DOCK3: variants seen among roughly 807,000 people sequenced by gnomAD.
DOCK3 encodes the protein dedicator of cytokinesis 3, also known as dedicator of cytokinesis protein 3.
DOCK3 carries 60 observed loss-of-function variants against 265.6 expected under a neutral mutation model. The observed-to-expected ratio is 0.23, with a 90% CI of 0.18 to 0.28. The LOEUF is 0.28. Ranked by LOEUF, DOCK3 falls within the 10% of genes least tolerant of loss-of-function variation. The pLI, the probability that DOCK3 is intolerant of heterozygous loss-of-function variation, is 1.00. For missense variants in DOCK3, 1,981 were observed against 2,594.3 expected, an observed-to-expected ratio of 0.76 and a Z score of 5.14; for synonymous variants, 881 against 938.0, an observed-to-expected ratio of 0.94 and a Z score of 1.11.
intron 2 of DOCK3, among the ~76,000 whole-genome samples, chr3:50,803,892 C>G (rs1017175040): frequency 6.6e-6 from 1 of 152,014 alleles, no homozygotes; most frequent in Admixed American, 6.5e-5. Context: ...GGCTGTCCCC[C>G]ACCTCCTGGA....
intron 4 of DOCK3, among the ~76,000 whole-genome samples, chr3:50,903,760 T>A (rs1236095511): frequency 3.3e-5 from 5 of 151,956 alleles, no homozygotes; most frequent in Non-Finnish European, 7.4e-5. Context: ...TTTTTTTTTA[T>A]TTAAATGTGT....
At chr3:51,216,210 G>A (rs1236565805) in intron 14 of DOCK3, among the ~76,000 whole-genome samples, 1 of 152,126 alleles carries the variant, frequency 6.6e-6, no homozygotes, top group Non-Finnish European at 1.5e-5. Flanking sequence ...GACTAGAAAG[G>A]AACAAGCTTC....
chr3:51,041,291 C>G (rs1426290047), intron 5 of DOCK3, among the ~76,000 whole-genome samples: 1 of 133,394 alleles, frequency 7.5e-6, no homozygotes, highest in African/African-American at 2.8e-5. Context: ...GATCTTGGCT[C>G]ACTGCAAGCT....
chr3:51,061,729 A>G (rs1010421046), intron 5 of DOCK3, among the ~76,000 whole-genome samples: 4 of 152,056 alleles, frequency 2.6e-5, no homozygotes, highest in African/African-American at 7.2e-5. Context: ...AAAAGCCATG[A>G]AAAGAAAAAT....
intron 2 of DOCK3, among the ~76,000 whole-genome samples, chr3:50,819,637 G>A (rs553861581): frequency 1.1e-4 from 16 of 152,146 alleles, no homozygotes; most frequent in African/African-American, 3.4e-4. Flanking sequence ...CATGTTAAAC[G>A]ACACTCCCAC....
chr3:51,282,736 G>A (rs934087330), intron 27 of DOCK3, among the ~76,000 whole-genome samples: 1 of 151,310 alleles, frequency 6.6e-6, no homozygotes, highest in African/African-American at 2.4e-5. Flanking sequence ...GCCTTAATTG[G>A]TGAATTCTAC....
At chr3:51,235,366 G>C (rs1212334532) in intron 19 of DOCK3, among the ~76,000 whole-genome samples, 1 of 152,184 alleles carries the variant, frequency 6.6e-6, no homozygotes, top group Non-Finnish European at 1.5e-5. Context: ...TTATATTCCT[G>C]AGAAGAGAAC....
intron 1 of DOCK3, among the ~76,000 whole-genome samples, chr3:50,704,749 C>T (rs2036277977): frequency 6.6e-6 from 1 of 151,858 alleles, no homozygotes; most frequent in Admixed American, 6.6e-5. Context: ...CTTCAGCCTC[C>T]TGAGTAAGTG....
intron 12 of DOCK3, among the ~76,000 whole-genome samples, chr3:51,206,479 C>G (rs1440149417): frequency 1.3e-5 from 2 of 151,462 alleles, no homozygotes; most frequent in South Asian, 2.1e-4. Flanking sequence ...GTGGTCAGGT[C>G]TAAGGTAGGG....
intron 21 of DOCK3, among the ~76,000 whole-genome samples, chr3:51,244,311 A>G (rs1303677938): frequency 6.6e-6 from 1 of 152,122 alleles, no homozygotes; most frequent in African/African-American, 2.4e-5. Context: ...CTTTAATAAC[A>G]ATATTAAACC....
chr3:51,339,419 C>G (rs1029454511), intron 37 of DOCK3, among the ~76,000 whole-genome samples: 1 of 152,164 alleles, frequency 6.6e-6, no homozygotes, highest in South Asian at 2.1e-4. Flanking sequence ...AAGGTTATAA[C>G]AAAGGAATAT....
chr3:51,138,133 G>A (rs2084889713), intron 9 of DOCK3, among the ~76,000 whole-genome samples: 1 of 152,140 alleles, frequency 6.6e-6, no homozygotes, highest in Admixed American at 6.5e-5. Flanking sequence ...CCTCTGAAAA[G>A]TCCTAGAGGG....
chr3:50,913,063 A>T (rs1226693862), intron 4 of DOCK3, among the ~76,000 whole-genome samples: 1 of 152,002 alleles, frequency 6.6e-6, no homozygotes, highest in African/African-American at 2.4e-5. Context: ...TCTGTGTCTC[A>T]CCTGAAGGCA....
At chr3:50,867,130 A>G (rs2047181440) in intron 3 of DOCK3, among the ~76,000 whole-genome samples, 1 of 152,132 alleles carries the variant, frequency 6.6e-6, no homozygotes, top group Non-Finnish European at 1.5e-5. Context: ...TATAGTTTTT[A>G]TGATAGAAAT....
chr3:50,964,118 A>G (rs2076962216), intron 5 of DOCK3, among the ~76,000 whole-genome samples: 1 of 152,230 alleles, frequency 6.6e-6, no homozygotes, highest in Admixed American at 6.5e-5. Context: ...CTCAGGAAGG[A>G]CTTGCTTCAA....
intron 9 of DOCK3, among the ~76,000 whole-genome samples, chr3:51,136,259 C>G (rs1307110272): frequency 6.6e-6 from 1 of 151,032 alleles, no homozygotes; most frequent in Non-Finnish European, 1.5e-5. Context: ...GATGGAGTCT[C>G]GCTCGTCACC....
intron 1 of DOCK3, among the ~76,000 whole-genome samples, chr3:50,708,389 C>T (rs2036548263): frequency 6.6e-6 from 1 of 152,124 alleles, no homozygotes; most frequent in East Asian, 1.9e-4. Flanking sequence ...GATGCATTGG[C>T]TATAGTGCAG....
At chr3:50,769,955 C>G (rs2041176861) in intron 1 of DOCK3, among the ~76,000 whole-genome samples, 1 of 151,962 alleles carries the variant, frequency 6.6e-6, no homozygotes, top group African/African-American at 2.4e-5. Context: ...ACAGACTTCA[C>G]CAAAAAACTA....
intron 4 of DOCK3, among the ~76,000 whole-genome samples, chr3:50,905,344 ACCT>A (rs201611615): frequency 0.044 from 6,674 of 152,050 alleles, 182 homozygotes; most frequent in Non-Finnish European, 0.068. Context: ...TCTATAAATT[ACCT>A]TGGGCAGTAT....
Sources: allele counts gnomAD v4.1 joint callset (sites outside exome capture counted in the v4.1 genomes callset), GRCh38; gene constraint gnomAD v4.1.1; transcripts MANE v1.5; gene names NCBI Gene and HGNC (gene_info 2026-07-23, HGNC 2026-07-21).